The following VPS13B variants were observed in gnomAD, a reference collection of about 807,000 sequenced individuals.
VPS13B encodes intermembrane lipid transfer protein VPS13B.
In VPS13B, 285 loss-of-function variants were observed where a neutral mutation model predicts 426.4. The ratio of observed to expected loss-of-function variants is 0.67; its 90% confidence interval spans 0.61 to 0.74. The LOEUF is 0.74. VPS13B is among the 30% of genes least tolerant of loss of function. The pLI is 0.00. For synonymous variants in VPS13B, 1,676 were observed against 1,676.4 expected (o/e 1.00, Z 0.01); for missense variants, 4,537 against 4,782.6 (o/e 0.95, Z 1.51).
chr8:99,027,899 G>C (rs1459782370), intron 2 of VPS13B, among the ~76,000 whole-genome samples: 1 of 152,132 alleles, frequency 6.6e-6, no homozygotes, highest in Non-Finnish European at 1.5e-5. Context: ...GCCTTCCGCA[G>C]TGTTTGTGTC....
At chr8:99,806,234 C>A (rs1813391588) in intron 43 of VPS13B, among the ~76,000 whole-genome samples, 1 of 152,220 alleles carries the variant, frequency 6.6e-6, no homozygotes, top group Admixed American at 6.5e-5. Flanking sequence ...TTAACCTTAT[C>A]CTCCAACCCT....
chr8:99,539,686 T>C (rs1438394538), intron 30 of VPS13B, among the ~76,000 whole-genome samples: 1 of 152,006 alleles, frequency 6.6e-6, no homozygotes, highest in Non-Finnish European at 1.5e-5. Flanking sequence ...TGCAATGAGC[T>C]ATGATCATGC....
intron 17 of VPS13B, among the ~76,000 whole-genome samples, chr8:99,240,215 A>G (rs575786654): frequency 2.0e-5 from 3 of 152,326 alleles, no homozygotes; most frequent in African/African-American, 7.2e-5. Context: ...AGCCATAATT[A>G]TCAACTGCTT....
intron 19 of VPS13B, among the ~76,000 whole-genome samples, chr8:99,334,559 G>T (rs890870771): frequency 6.6e-6 from 1 of 151,948 alleles, no homozygotes; most frequent in East Asian, 1.9e-4. Context: ...AGTTTTTAGC[G>T]TGAAGCGTTG....
intron 25 of VPS13B, among the ~76,000 whole-genome samples, chr8:99,499,329 G>A (rs1291215372): frequency 6.6e-6 from 1 of 152,126 alleles, no homozygotes; most frequent in Non-Finnish European, 1.5e-5. Context: ...AGCTTTTACT[G>A]AGGAGTGCTT....
At position 99,776,830 on chromosome 8, in the gene VPS13B, G is replaced by A; in HGVS notation, c.7303G>A (p.Ala2435Thr). ...STCDPLVTPT[A>T]LAACTRVDSC... ...TTGTGATCCACTTGTGACTCCAACA[G>A]CCCTGGCTGCCTGTACCAGAGTTGA... Residue 2435 changes from alanine to threonine, a missense_variant, in exon 41 of 62, where the codon GCC (alanine) becomes ACC (threonine). Ala to Thr is a moderately conservative substitution (Grantham distance 58). Coordinates refer to ENST00000357162, the MANE Select transcript of VPS13B (RefSeq NM_152564.5). 6.2e-7 allele frequency: 1 copy of A among 1,614,010 alleles called. No individual in the cohort carries two copies. Among genetic ancestry groups the A allele is most frequent in the Non-Finnish European group, 8.5e-7 (1 of 1,179,944 alleles).
intron 19 of VPS13B, among the ~76,000 whole-genome samples, chr8:99,302,907 A>G (rs1820440396): frequency 6.6e-6 from 1 of 152,314 alleles, no homozygotes; most frequent in African/African-American, 2.4e-5. Context: ...CCTAGAGTCA[A>G]AAAATCCTAA....
At position 99,365,498 on chromosome 8, in the gene VPS13B, T is replaced by TTTCTTC. The variant is rs200492647; in HGVS notation, c.2825-18695_2825-18690dup. On this transcript the variant is annotated intron_variant, in intron 19 of 61. Transcript: ENST00000357162. ...TATTTGTTTCAAGAAATTTTCCAAT[T>TTTCTTC]TTCTTCTTCTTCTTCTTCTTTTTTT... Among the ~76,000 whole-genome samples the TTTCTTC allele has an allele frequency of 5.6e-5, 7 of 125,760 alleles. 1 individual carries two copies. Among genetic ancestry groups the TTTCTTC allele is most frequent in the South Asian group, 2.8e-4 (1 of 3,548 alleles). 82.5% of individuals were successfully genotyped at this position (125,760 alleles called of 152,430 possible). A position where few individuals can be genotyped will look rare whatever the true frequency, so the allele number is the denominator to read the frequency against.
chr8:99,684,865 A>G (rs552641041), intron 35 of VPS13B, among the ~76,000 whole-genome samples: 2 of 152,278 alleles, frequency 1.3e-5, no homozygotes, highest in South Asian at 4.2e-4. Context: ...GTGCAGTGGC[A>G]CGATCTTGGC....
chr8:99,195,834 A>G (rs1023411004), intron 17 of VPS13B, among the ~76,000 whole-genome samples: 1 of 152,064 alleles, frequency 6.6e-6, no homozygotes, highest in Admixed American at 6.6e-5. Context: ...TCCCCATTGT[A>G]TATTCTTGGC....
In VPS13B at chr8:99,105,923, G is replaced by A. The variant is rs137855155; in HGVS notation, c.580+2803G>A. 8.3e-4 allele frequency among the ~76,000 whole-genome samples: 127 copies of A among 152,246 alleles called. No individual in the cohort carries two copies. The Middle Eastern group carries it at 0.01, about 12-fold the overall frequency. On this transcript the variant is annotated intron_variant, in intron 5 of 61. Coordinates refer to ENST00000357162, the MANE Select transcript of VPS13B (RefSeq NM_152564.5). ...CTCTTCAGAAGCAAATATACCATAT[G>A]AAAGCTCATGATGATGGTGGTGATA...
intron 21 of VPS13B, among the ~76,000 whole-genome samples, chr8:99,420,568 TG>T (rs2133379444): frequency 6.6e-6 from 1 of 152,326 alleles, no homozygotes; most frequent in South Asian, 2.1e-4. Flanking sequence ...TTAATAAATA[TG>T]TATATAAAGA....
rs796824615 is a variant in VPS13B at position 99,430,702 on chromosome 8, A to ACCC, written c.3083-827_3083-825dup. Among the ~76,000 whole-genome samples the ACCC allele has an allele frequency of 2.7e-3, 333 of 124,822 alleles. 1 individual carries two copies. Among genetic ancestry groups the ACCC allele is most frequent in the African/African-American group, 7.6e-3 (263 of 34,642 alleles). The allele number at this position is 124,822 out of a possible 152,430, so 81.9% of individuals were successfully genotyped here. On this transcript the variant is annotated intron_variant, in intron 21 of 61. Transcript: ENST00000357162. Reference sequence around the variant, plus strand: ...CCTCTTTTGGTTATCATCAAAATCCACCCCCCCCCCAACTTTTTTTTTGTT... The same window carrying ACCC: ...CCTCTTTTGGTTATCATCAAAATCCACCCCCCCCCCCCCAACTTTTTTTTTGTT...
chr8:99,576,058 C>A (rs1364161224), intron 32 of VPS13B, among the ~76,000 whole-genome samples: 1 of 152,100 alleles, frequency 6.6e-6, no homozygotes, highest in Non-Finnish European at 1.5e-5. Context: ...AGGAGCTAAC[C>A]AAGCTACCCA....
At chr8:99,163,319 G>A (rs1811783151) in intron 15 of VPS13B, among the ~76,000 whole-genome samples, 1 of 152,236 alleles carries the variant, frequency 6.6e-6, no homozygotes, top group African/African-American at 2.4e-5. Context: ...CCAGACTCAG[G>A]AGCCCAGCTG....
At position 99,267,221 on chromosome 8, in the gene VPS13B, G is replaced by A. The variant is rs574830866; in HGVS notation, c.2516-6977G>A. ...GGTTGAGGTGGTCTCAGATGGAGAT[G>A]AGGAACTTGTTGGGAACTGGAGAAA... On this transcript the variant is annotated intron_variant, in intron 17 of 61. Coordinates refer to ENST00000357162, the MANE Select transcript of VPS13B (RefSeq NM_152564.5). 1.3e-5 allele frequency among the ~76,000 whole-genome samples: 2 copies of A among 152,284 alleles called. 1 individual carries two copies. Among genetic ancestry groups the A allele is most frequent in the South Asian group, 4.2e-4 (2 of 4,818 alleles).
At chr8:99,056,721 G>A (rs549809243) in intron 3 of VPS13B, among the ~76,000 whole-genome samples, 2 of 152,248 alleles carry the variant, frequency 1.3e-5, no homozygotes, top group South Asian at 2.1e-4. Flanking sequence ...GTGGCAGGGG[G>A]TGAAATGGAC....
chr8:99,663,409 T>G (rs1830320451), intron 35 of VPS13B, among the ~76,000 whole-genome samples: 1 of 152,174 alleles, frequency 6.6e-6, no homozygotes, highest in Non-Finnish European at 1.5e-5. Context: ...AGCAAGAAAC[T>G]GAAGGATAAG....
chr8:99,570,308 A>G (rs1242257283), intron 31 of VPS13B, among the ~76,000 whole-genome samples: 1 of 151,290 alleles, frequency 6.6e-6, no homozygotes, highest in Admixed American at 6.6e-5. Context: ...CTGTTCTCTC[A>G]TTTTGGAATT....
Sources: allele counts gnomAD v4.1 joint callset (sites outside exome capture counted in the v4.1 genomes callset), GRCh38; gene constraint gnomAD v4.1.1; transcripts MANE v1.5; gene names NCBI Gene and HGNC (gene_info 2026-07-23, HGNC 2026-07-21).